ACTN1: variants seen among roughly 807,000 people sequenced by gnomAD.
ACTN1 encodes alpha-actinin-1.
In ACTN1, 30 loss-of-function variants were observed where a neutral mutation model predicts 119.6. That is an observed-to-expected ratio of 0.25 (90% CI 0.19 to 0.34). The LOEUF (loss-of-function observed/expected upper bound fraction) is 0.34, where lower values mean the gene tolerates loss of function less well. Among genes scored for constraint, ACTN1 ranks in the 10% least tolerant of loss-of-function variants. ACTN1 has a pLI of 1.00. For missense variants in ACTN1, 764 were observed against 1,223.4 expected, an observed-to-expected ratio of 0.62 and a Z score of 5.60; for synonymous variants, 429 against 472.6, an observed-to-expected ratio of 0.91 and a Z score of 1.20.
In ACTN1 at chr14:68,880,786, A is replaced by G. The variant is rs1429249798; in HGVS notation, c.2133+24T>C. The G allele has an allele frequency of 6.2e-7, 1 of 1,609,682 alleles. No homozygotes were observed. On this transcript the variant is annotated intron_variant, in intron 17 of 21. Coordinates refer to ENST00000394419, the MANE Select transcript of ACTN1 (RefSeq NM_001130004.2). This position sits in a 1 kb window ranked among gnomAD's most constrained non-coding sequence, Gnocchi z 4.6. ...CAGAAGGGGCCACGGGCTCCCGAAGAGGAACAAGGCCAGCCCCACCCACCT... is the reference window on the plus strand; with the variant it reads ...CAGAAGGGGCCACGGGCTCCCGAAGGGGAACAAGGCCAGCCCCACCCACCT...
rs1485763828 is a variant in ACTN1, at chr14:68,979,026, C to T, written c.31G>A (p.Asp11Asn). MDHYDSQQTN[D>N]YMQPEEDWDR... ...CAGTCCTCTTCTGGCTGCATGTAAT[C>T]GTTGGTTTGCTGAGAATCATAATGG... is the stretch of plus-strand genomic sequence containing the variant. The change falls in exon 1 of 22, where the codon GAT becomes AAT. Residue 11 changes from aspartate (D) to asparagine (N), a missense_variant. Asp to Asn is a conservative substitution (Grantham distance 23). This residue lies in a region of ACTN1 where 64 missense variants were observed against 80.0 expected (regional missense o/e 0.80). Transcript: ENST00000394419. The T allele has an allele frequency of 5.6e-6, 9 of 1,603,392 alleles. No homozygotes were observed. The highest frequency in any genetic ancestry group is 6.8e-6 in the Non-Finnish European group (8 of 1,174,540).
At chr14:68,924,329 T>G (rs1329415533) in intron 2 of ACTN1, among the ~76,000 whole-genome samples, 1 of 152,008 alleles carries the variant, frequency 6.6e-6, no homozygotes, top group Admixed American at 6.5e-5. Flanking sequence ...AAAAAACTAC[T>G]TTTAAAAAAA....
intron 1 of ACTN1, chr14:68,978,391 G>C: frequency 2.7e-6 from 1 of 376,496 alleles, no homozygotes; most frequent in Non-Finnish European, 5.3e-6. Context: ...CACTCCAGCT[G>C]GTCCTTCTCC....
At chr14:68,914,955 G>T (rs972098213) in intron 3 of ACTN1, among the ~76,000 whole-genome samples, 3 of 152,178 alleles carry the variant, frequency 2.0e-5, no homozygotes, top group Non-Finnish European at 2.9e-5. Context: ...TTTTACAGTT[G>T]CTCAGCTTTT....
intron 1 of ACTN1, chr14:68,936,519 A>G: frequency 3.9e-6 from 1 of 259,620 alleles, no homozygotes; most frequent in Non-Finnish European, 7.4e-6. Flanking sequence ...TTTTTTAAGT[A>G]TGCAAATAAA....
intron 2 of ACTN1, among the ~76,000 whole-genome samples, chr14:68,924,408 G>A (rs977141262): frequency 6.6e-6 from 1 of 152,224 alleles, no homozygotes; most frequent in Non-Finnish European, 1.5e-5. Context: ...AGAGCTGCAC[G>A]TTCCCCCTGC....
At chr14:68,963,556 T>G (rs2036607933) in intron 1 of ACTN1, among the ~76,000 whole-genome samples, 1 of 152,230 alleles carries the variant, frequency 6.6e-6, no homozygotes, top group Non-Finnish European at 1.5e-5. Context: ...ATCTCACGTA[T>G]CCAGCTGAAC....
rs1429743559 is a variant in ACTN1, at chr14:68,950,468, A to ATGTGTG, written c.106-24797_106-24796insCACACA. Among the ~76,000 whole-genome samples, 281 of 85,622 alleles carry ATGTGTG rather than the reference A, an allele frequency of 3.3e-3. 5 individuals carry two copies. The highest frequency in any genetic ancestry group is 0.022 in the African/African-American group (267 of 12,156). The allele number at this position is 85,622 out of a possible 152,430, so 56.2% of individuals were successfully genotyped here. ...ATAATATATATGCGTGTGTGTATAT[A>ATGTGTG]TATATATATAAATCAAACATATAAA... On this transcript the variant is annotated intron_variant, in intron 1 of 21. Transcript: ENST00000394419.
At chr14:68,912,097 C>T in intron 4 of ACTN1, 59 bp downstream of exon 4, 1 of 1,551,170 alleles carries the variant, frequency 6.4e-7, no homozygotes, top group South Asian at 1.1e-5. Flanking sequence ...GTTCTCCAGG[C>T]TAAGCCCAGG....
intron 1 of ACTN1, among the ~76,000 whole-genome samples, chr14:68,929,205 C>T (rs2035094593): frequency 6.6e-6 from 1 of 152,132 alleles, no homozygotes; most frequent in Non-Finnish European, 1.5e-5. Context: ...GCACACCATA[C>T]AACTATATCC....
At chr14:68,953,514 G>C (rs1486311820) in intron 1 of ACTN1, among the ~76,000 whole-genome samples, 1 of 152,186 alleles carries the variant, frequency 6.6e-6, no homozygotes, top group Non-Finnish European at 1.5e-5. Flanking sequence ...GAGCCTGGCA[G>C]TGCACAACAC....
intron 1 of ACTN1, among the ~76,000 whole-genome samples, chr14:68,970,850 C>T (rs1211277957): frequency 1.3e-5 from 2 of 152,238 alleles, no homozygotes; most frequent in Non-Finnish European, 2.9e-5. Context: ...CCGTCAAAGA[C>T]CTGGATTGAA....
intron 1 of ACTN1, 32 bp downstream of exon 1, chr14:68,978,920 G>GC: frequency 6.9e-7 from 1 of 1,443,518 alleles, no homozygotes; most frequent in African/African-American, 1.4e-5. Context: ...GCTGGGGGCT[G>GC]GGGGCTGCAG....
rs1225242130 is a variant in ACTN1, at chr14:68,954,788, A to G, written c.105+24164T>C. ...AACCTGAAGGCTGTGCCAATGTGCA[A>G]CACCTTAAGAAATGAACACATCACT... On this transcript the variant is annotated intron_variant, in intron 1 of 21. Transcript: ENST00000394419. Among the ~76,000 whole-genome samples the G allele has an allele frequency of 2.0e-5, 3 of 152,182 alleles. No homozygotes were observed. The East Asian group carries it at 5.8e-4, about 29-fold the overall frequency.
chr14:68,978,074 C>T (rs886307112), intron 1 of ACTN1: 1 of 455,414 alleles, frequency 2.2e-6, no homozygotes, highest in Non-Finnish European at 4.4e-6. Context: ...GCCCAGCTCC[C>T]GTGGCGGGGC....
chr14:68,967,578 C>T (rs2036746868), intron 1 of ACTN1, among the ~76,000 whole-genome samples: 1 of 152,194 alleles, frequency 6.6e-6, no homozygotes, highest in Non-Finnish European at 1.5e-5. Flanking sequence ...AGGAGTTTCA[C>T]AACAGTGCCC....
intron 16 of ACTN1, 71 bp from the exon 17 acceptor site, chr14:68,881,060 C>T: frequency 6.8e-7 from 1 of 1,468,910 alleles, no homozygotes; most frequent in Non-Finnish European, 9.4e-7. Context: ...ACTGGGGCCT[C>T]CAAAATCACT....
chr14:68,875,725 T>G (rs1171166474), intron 21 of ACTN1, among the ~76,000 whole-genome samples: 1 of 152,154 alleles, frequency 6.6e-6, no homozygotes, highest in Non-Finnish European at 1.5e-5. Flanking sequence ...GGGAACCAGT[T>G]TGAGGGAGGG....
chr14:68,874,798 C>T lies in ACTN1; in HGVS notation c.*61G>A, dbSNP rs1429180326. The stretch of plus-strand genomic sequence containing the variant: ...AAACCGAACCCAGGCAGGAGATGGG[C>T]GACGGCGGAGGTGCAAGGCAGGGCA... On this transcript the variant is annotated 3_prime_UTR_variant, in exon 22 of 22. Transcript: ENST00000394419. The T allele has an allele frequency of 2.1e-6, 3 of 1,440,764 alleles. No individual in the cohort carries two copies. The highest frequency in any genetic ancestry group is 1.4e-5 in the African/African-American group (1 of 70,146). The allele number at this position is 1,440,764 out of a possible 1,614,324, so 89.2% of individuals were successfully genotyped here. A position where few individuals can be genotyped will look rare whatever the true frequency, so the allele number is the denominator to read the frequency against.
Sources: allele counts gnomAD v4.1 joint callset (sites outside exome capture counted in the v4.1 genomes callset), GRCh38; gene constraint gnomAD v4.1.1; regional missense constraint gnomAD v4.1.1; non-coding constraint Gnocchi (gnomAD v3.1); transcripts MANE v1.5; gene names NCBI Gene and HGNC (gene_info 2026-07-23, HGNC 2026-07-21).